MORN1: variants seen among roughly 807,000 people sequenced by gnomAD.
The protein encoded by MORN1 is MORN repeat containing 1.
A neutral mutation model predicts 61.9 loss-of-function variants in MORN1; 67 were observed. The observed-to-expected ratio is 1.08, with a 90% CI of 0.89 to 1.33. The LOEUF is 1.33. MORN1 is among the 40% of genes most tolerant of loss of function. The pLI is 0.00. For synonymous variants in MORN1, 301 were observed against 292.0 expected (o/e 1.03, Z -0.31); for missense variants, 752 against 691.2 (o/e 1.09, Z -0.99).
chr1:2,372,721 C>T lies in MORN1; in HGVS notation c.635-130G>A, dbSNP rs530174320. The T allele has an allele frequency of 6.9e-5, 45 of 649,502 alleles. No individual in the cohort carries two copies. Among genetic ancestry groups the T allele is most frequent in the Middle Eastern group, 6.6e-4 (2 of 3,042 alleles). The allele number at this position is 649,502 out of a possible 1,614,324, so 40.2% of individuals were successfully genotyped here. ...GTGGCAGCTGGAACACAAGCACATG[C>T]GGGGGCCGACCCTCCGCAAACCACC... On this transcript the variant is annotated intron_variant, in intron 7 of 13. Coordinates refer to ENST00000378531, the MANE Select transcript of MORN1 (RefSeq NM_024848.3). This position sits in a 1 kb window ranked among gnomAD's most constrained non-coding sequence, Gnocchi z 5.4.
intron 8 of MORN1, among the ~76,000 whole-genome samples, chr1:2,367,306 C>CAAAAA (rs56188781): frequency 5.3e-5 from 7 of 132,800 alleles, no homozygotes; most frequent in African/African-American, 8.6e-5. Flanking sequence ...ATTGCTCTAT[C>CAAAAA]AAAAAAAAAA....
intron 5 of MORN1, 41 bp from the exon 6 acceptor site, chr1:2,385,106 G>T: frequency 1.3e-6 from 2 of 1,548,644 alleles, no homozygotes; most frequent in Middle Eastern, 2.3e-4. Flanking sequence ...AACAGGGGGA[G>T]CCGGGTGGTG....
chr1:2,322,423 C>T, intron 13 of MORN1: 1 of 985,410 alleles, frequency 1.0e-6, no homozygotes, highest in Non-Finnish European at 1.2e-6. Context: ...GCCTGGAAAA[C>T]AGCGCTCCCC....
intron 12 of MORN1, among the ~76,000 whole-genome samples, chr1:2,335,828 T>TAGCCCAGCCCAGCGCAGCCC (rs1553208713): frequency 2.1e-5 from 3 of 143,008 alleles, no homozygotes; most frequent in African/African-American, 9.1e-5. Context: ...CTCGCCTCCA[T>TAGCCCAGCCCAGCGCAGCCC]AGCCCAGCCC....
intron 10 of MORN1, among the ~76,000 whole-genome samples, chr1:2,348,714 TGCGCGGGCAC>T (rs1557876275): frequency 6.4e-4 from 11 of 17,294 alleles, no homozygotes; most frequent in East Asian, 4.8e-3. Flanking sequence ...CACGCACACC[TGCGCGGGCAC>T]GCACACGCAC....
Position 2,321,319 on chromosome 1 carries a change from C to T in MORN1, c.*64G>A, listed in dbSNP as rs1640873736. ...GCTCTGGAGAATCGGGGAGCAGAGT[C>T]ACGCAAGCAGAGGCAGCGTTTCCTT... On this transcript the variant is annotated 3_prime_UTR_variant, in exon 14 of 14. Coordinates refer to ENST00000378531, the MANE Select transcript of MORN1 (RefSeq NM_024848.3). The T allele has an allele frequency of 1.1e-5, 13 of 1,204,164 alleles. 1 individual carries two copies. Among genetic ancestry groups the T allele is most frequent in the South Asian group, 4.8e-5 (3 of 63,070 alleles). The allele number at this position is 1,204,164 out of a possible 1,614,324, so 74.6% of individuals were successfully genotyped here. A position where few individuals can be genotyped will look rare whatever the true frequency, so the allele number is the denominator to read the frequency against.
intron 10 of MORN1, among the ~76,000 whole-genome samples, chr1:2,348,155 G>A (rs1378062507): frequency 1.3e-5 from 2 of 152,206 alleles, no homozygotes; most frequent in African/African-American, 4.8e-5. Context: ...GCCTTTCCCT[G>A]ACTGCCATGG....
At chr1:2,367,803 T>C (rs1642029215) in intron 8 of MORN1, among the ~76,000 whole-genome samples, 1 of 152,134 alleles carries the variant, frequency 6.6e-6, no homozygotes, top group African/African-American at 2.4e-5. Context: ...AGTTTTCGTA[T>C]TTTTTAGTGG....
chr1:2,389,036 T>TGGGAGCCGGAGGTTGCA (rs1553226306), intron 2 of MORN1, among the ~76,000 whole-genome samples: 1 of 146,400 alleles, frequency 6.8e-6, no homozygotes, highest in Non-Finnish European at 1.5e-5. Flanking sequence ...CACTTGAACC[T>TGGGAGCCGGAGGTTGCA]GGGAGCCGGA....
chr1:2,387,367 A>G (rs1642528416), intron 4 of MORN1, 52 bp downstream of exon 4: 2 of 1,335,254 alleles, frequency 1.5e-6, no homozygotes, highest in South Asian at 2.3e-5. Flanking sequence ...GTAGGATTCC[A>G]TGTCCTGAAA....
intron 12 of MORN1, 149 bp downstream of exon 12, chr1:2,336,320 G>A (rs1049503838): frequency 8.4e-6 from 6 of 712,098 alleles, no homozygotes; most frequent in Non-Finnish European, 1.1e-5. Flanking sequence ...CTGGCGGGGG[G>A]GCTCTCTGGA....
At chr1:2,328,647 G>A (rs1224007601) in intron 12 of MORN1, among the ~76,000 whole-genome samples, 2 of 152,224 alleles carry the variant, frequency 1.3e-5, no homozygotes, top group Non-Finnish European at 2.9e-5. Context: ...CAGGGCCCTT[G>A]GCCGCAGATC....
At chr1:2,344,312 G>A (rs985768644) in intron 10 of MORN1, among the ~76,000 whole-genome samples, 10 of 152,226 alleles carry the variant, frequency 6.6e-5, no homozygotes, top group Non-Finnish European at 1.2e-4. Context: ...TGGTTCTGAA[G>A]CCAGGCAGCT....
chr1:2,347,905 C>T (rs529831865), intron 10 of MORN1, among the ~76,000 whole-genome samples: 12 of 152,324 alleles, frequency 7.9e-5, no homozygotes, highest in East Asian at 3.9e-4. Context: ...TCTGAAAGTC[C>T]GCTGCTGAAT....
intron 12 of MORN1, among the ~76,000 whole-genome samples, chr1:2,324,661 G>A (rs898947270): frequency 5.9e-5 from 9 of 152,166 alleles, no homozygotes; most frequent in African/African-American, 2.2e-4. Flanking sequence ...ACTGGGAAAG[G>A]AGAGGTAGCA....
intron 8 of MORN1, among the ~76,000 whole-genome samples, chr1:2,367,490 A>G (rs1642022780): frequency 6.6e-6 from 1 of 151,842 alleles, no homozygotes; most frequent in South Asian, 2.1e-4. Context: ...ACAAAAAGAT[A>G]ATTGGGGAAA....
chr1:2,388,515 C>T (rs570809161), intron 2 of MORN1, 178 bp from the exon 3 acceptor site: 83 of 572,608 alleles, frequency 1.4e-4, no homozygotes, highest in African/African-American at 1.3e-3. Context: ...AAAATATCTG[C>T]CGAAACACGC....
intron 12 of MORN1, among the ~76,000 whole-genome samples, chr1:2,327,003 AAC>A (rs199603596): frequency 1.3e-5 from 2 of 149,438 alleles, no homozygotes; most frequent in Non-Finnish European, 1.5e-5. Context: ...GAGACACAGA[AAC>A]ACACAGAAAC....
Position 2,357,552 on chromosome 1 carries a change from C to G in MORN1, c.916G>C (p.Val306Leu). The G allele has an allele frequency of 1.9e-6, 3 of 1,612,016 alleles. No individual in the cohort carries two copies. The South Asian group carries it at 3.3e-5, about 18-fold the overall frequency. ...PYPVSSPAAG[V>L]PGPRAAKGGA... ...CCCTTGGCAGCTCTGGGCCCCGGCACCCCAGCTGCGGGGCTGGACACAGGA... is the reference window on the plus strand; with the variant it reads ...CCCTTGGCAGCTCTGGGCCCCGGCAGCCCAGCTGCGGGGCTGGACACAGGA... Residue 306 changes from valine to leucine, a missense_variant, in exon 10 of 14, where the codon GTG becomes CTG. By Grantham distance (32) the Val-to-Leu change is conservative (BLOSUM62 1). Transcript: ENST00000378531. The surrounding 1 kb of genome is among the most constrained non-coding windows in gnomAD (Gnocchi z 6.3).
Sources: gnomAD v4.1 joint callset for allele counts (sites outside exome capture counted in the v4.1 genomes callset) on GRCh38, gnomAD v4.1.1 for gene constraint, Gnocchi (gnomAD v3.1) non-coding constraint, MANE v1.5 for transcripts, NCBI Gene and HGNC (gene_info 2026-07-23, HGNC 2026-07-21) for gene names.